Variants in GDA observed in about 807,000 individuals in gnomAD.
GDA encodes the protein guanine deaminase.
Under a neutral mutation model 59.6 loss-of-function variants are expected in GDA, and 18 were observed. That is an observed-to-expected ratio of 0.30 (90% CI 0.21 to 0.45). The LOEUF (loss-of-function observed/expected upper bound fraction) is 0.45. Ranked by LOEUF, GDA falls within the 20% of genes least tolerant of loss-of-function variation. The pLI, the probability that GDA is intolerant of heterozygous loss-of-function variation, is 1.00. For synonymous variants in GDA, 201 were observed against 201.1 expected (o/e 1.00, Z 0.00); for missense variants, 427 against 552.3 (o/e 0.77, Z 2.27).
At chr9:72,119,521 C>A (rs1825586497) in intron 1 of GDA, among the ~76,000 whole-genome samples, 1 of 152,096 alleles carries the variant, frequency 6.6e-6, no homozygotes, top group African/African-American at 2.4e-5. Context: ...AAAATTATCC[C>A]TTTTGCTAAA....
chr9:72,227,981 A>G lies in GDA; in HGVS notation c.861A>G (p.Glu287=). 1 of 1,609,926 alleles carries G rather than the reference A, an allele frequency of 6.2e-7. No individual in the cohort carries two copies. Among genetic ancestry groups the G allele is most frequent in the Non-Finnish European group, 8.5e-7 (1 of 1,176,518 alleles). The change falls in exon 9 of 14, where the codon GAA becomes GAG. Residue 287 remains glutamate, a synonymous_variant. Transcript: ENST00000358399. ...ACGGCTGCTACCTCTCTGCAGAAGA[A>G]CTGAACGTATTCCATGAACGAGGAG... is the stretch of plus-strand genomic sequence containing the variant. ...MAHGCYLSAE[E]LNVFHERGAS... is the part of the protein sequence containing the mutation.
chr9:72,201,193 A>G (rs10746906), intron 2 of GDA, among the ~76,000 whole-genome samples: 44,659 of 148,732 alleles, frequency 0.3, 6,798 homozygotes, highest in East Asian at 0.53. Context: ...GTCACACAGA[A>G]TTTTTTTTTT....
intron 1 of GDA, among the ~76,000 whole-genome samples, chr9:72,154,365 T>A (rs1226926738): frequency 6.6e-6 from 1 of 152,240 alleles, no homozygotes; most frequent in Admixed American, 6.5e-5. Context: ...TGGCACTTAG[T>A]GGATACTTAA....
chr9:72,243,944 G>C (rs1359581853), intron 11 of GDA, among the ~76,000 whole-genome samples: 1 of 152,100 alleles, frequency 6.6e-6, no homozygotes, highest in Non-Finnish European at 1.5e-5. Context: ...GGGAGTCCGA[G>C]GTGGGCAGTT....
chr9:72,226,760 C>A (rs1837641292), intron 8 of GDA, among the ~76,000 whole-genome samples: 1 of 152,138 alleles, frequency 6.6e-6, no homozygotes, highest in African/African-American at 2.4e-5. Flanking sequence ...AATAAATTAA[C>A]CTTCCATTTG....
intron 10 of GDA, among the ~76,000 whole-genome samples, chr9:72,232,979 T>C (rs908367651): frequency 7.2e-5 from 11 of 152,300 alleles, no homozygotes; most frequent in African/African-American, 1.2e-4. Context: ...AAGGGCGAAG[T>C]TGGTGTATTG....
At position 72,219,515 on chromosome 9, in the gene GDA, CTT is replaced by C. The variant is rs780433256; in HGVS notation, c.606+11_606+12del. The C allele has an allele frequency of 5.0e-6, 8 of 1,594,998 alleles. No individual in the cohort carries two copies. Among genetic ancestry groups the C allele is most frequent in the South Asian group, 3.4e-5 (3 of 88,560 alleles). The stretch of plus-strand genomic sequence containing the variant: ...AAATGCTCCAAAAGAACGTGAGTAA[CTT>C]TGTTCAGAGCTCGCTTTTAGATTGC... On this transcript the variant is annotated intron_variant, in intron 6 of 13. Transcript: ENST00000358399.
chr9:72,187,867 T>C (rs780222292), intron 1 of GDA, among the ~76,000 whole-genome samples: 1 of 152,082 alleles, frequency 6.6e-6, no homozygotes, highest in Non-Finnish European at 1.5e-5. Context: ...AGAAACAAGG[T>C]ATTGGAAACT....
intron 10 of GDA, among the ~76,000 whole-genome samples, chr9:72,233,799 G>A (rs1254771408): frequency 1.3e-5 from 2 of 151,958 alleles, no homozygotes. Context: ...AAACTTAGCT[G>A]GGCATGGTGA....
intron 1 of GDA, among the ~76,000 whole-genome samples, chr9:72,188,696 GCCA>G (rs1349440300): frequency 2.0e-5 from 3 of 152,224 alleles, no homozygotes; most frequent in Non-Finnish European, 2.9e-5. Flanking sequence ...TGCCAGAGCT[GCCA>G]CAGAGAGTCC....
chr9:72,116,386 C>CTTT lies in GDA; in HGVS notation c.-100+1567_-100+1569dup, dbSNP rs201791483. 8.8e-3 allele frequency among the ~76,000 whole-genome samples: 1,132 copies of CTTT among 128,302 alleles called. 37 individuals are homozygous for CTTT. Among genetic ancestry groups the CTTT allele is most frequent in the Middle Eastern group, 0.015 (3 of 206 alleles). 84.2% of individuals were successfully genotyped at this position (128,302 alleles called of 152,430 possible). The stretch of plus-strand genomic sequence containing the variant: ...TACACCTCTATGAAGTTTCCCCAGC[C>CTTT]TTTTTTTTTTTTTTTTGAGATGGAG... On this transcript the variant is annotated intron_variant, in intron 1 of 13. Coordinates refer to the GDA transcript ENST00000545168.
chr9:72,170,909 G>A (rs1829887633), intron 1 of GDA, among the ~76,000 whole-genome samples: 1 of 152,026 alleles, frequency 6.6e-6, no homozygotes, highest in South Asian at 2.1e-4. Flanking sequence ...TCAATCCCCT[G>A]GGGCACAAGT....
Position 72,198,846 on chromosome 9 carries a change from G to GATATATATATAT in GDA, c.212+3262_212+3273dup, listed in dbSNP as rs141544036. ...ATGTTCTGATAAGCATATATAGGGGGATATATATATATATAAAATTTTTTT... is the reference window on the plus strand; with the variant it reads ...ATGTTCTGATAAGCATATATAGGGGGATATATATATATATATATATATATATAAAATTTTTTT... On this transcript the variant is annotated intron_variant, in intron 2 of 13. Coordinates refer to ENST00000358399, the MANE Select transcript of GDA (RefSeq NM_004293.5). Among the ~76,000 whole-genome samples, 127 of 128,642 alleles carry GATATATATATAT rather than the reference G, an allele frequency of 9.9e-4. 3 individuals carry two copies. The highest frequency in any genetic ancestry group is 3.5e-3 in the African/African-American group (91 of 26,292). The allele number at this position is 128,642 out of a possible 152,430, so 84.4% of individuals were successfully genotyped here.
chr9:72,140,635 T>C (rs1354402689), intron 1 of GDA, among the ~76,000 whole-genome samples: 1 of 152,190 alleles, frequency 6.6e-6, no homozygotes, highest in East Asian at 1.9e-4. Context: ...AAAATTGATG[T>C]TGTCATATTA....
chr9:72,157,113 C>G (rs1013566770), intron 1 of GDA, among the ~76,000 whole-genome samples: 1 of 141,934 alleles, frequency 7.0e-6, no homozygotes, highest in Non-Finnish European at 1.5e-5. Flanking sequence ...GATCTTAGCT[C>G]ACTGCAACAT....
chr9:72,162,268 C>T (rs11143141), intron 1 of GDA, among the ~76,000 whole-genome samples: 27,436 of 152,070 alleles, frequency 0.18, 2,760 homozygotes, highest in African/African-American at 0.28. Context: ...AAAAGAGATG[C>T]GGTTCCTGCC....
chr9:72,222,899 G>T (rs1262931020), intron 6 of GDA, among the ~76,000 whole-genome samples: 2 of 152,036 alleles, frequency 1.3e-5, no homozygotes. Flanking sequence ...CAGAGACAGG[G>T]TTTCTCCATG....
rs11143178 is a variant in GDA at position 72,225,670 on chromosome 9, C to A, written c.715-7C>A. 43,670 of 1,297,654 alleles carry A rather than the reference C, an allele frequency of 0.034. 871 individuals carry two copies. The highest frequency in any genetic ancestry group is 0.04 in the Non-Finnish European group (36,934 of 916,008). The allele number at this position is 1,297,654 out of a possible 1,614,324, so 80.4% of individuals were successfully genotyped here. On this transcript the variant is annotated splice_region_variant and splice_polypyrimidine_tract_variant and intron_variant, in intron 7 of 13. Coordinates refer to ENST00000358399, the MANE Select transcript of GDA (RefSeq NM_004293.5). ...AGAAAAATGAAAATATTATTTTTTTCTTGTAGAGCCATATAAGTGAAAATC... is the reference window on the plus strand; with the variant it reads ...AGAAAAATGAAAATATTATTTTTTTATTGTAGAGCCATATAAGTGAAAATC...
chr9:72,191,196 C>T (rs1044218471), intron 1 of GDA, among the ~76,000 whole-genome samples: 1 of 152,096 alleles, frequency 6.6e-6, no homozygotes, highest in African/African-American at 2.4e-5. Context: ...TCGTAGGGTG[C>T]CAGGCAGAAG....
Sources: gnomAD v4.1 joint callset for allele counts (sites outside exome capture counted in the v4.1 genomes callset) on GRCh38, gnomAD v4.1.1 for gene constraint, MANE v1.5 for transcripts, NCBI Gene and HGNC (gene_info 2026-07-23, HGNC 2026-07-21) for gene names.